Variants in NBEA observed in about 807,000 individuals in gnomAD.
The protein encoded by NBEA is lysosomal-trafficking regulator 2.
Under a neutral mutation model 343.4 loss-of-function variants are expected in NBEA, and 44 were observed. That is an observed-to-expected ratio of 0.13 (90% CI 0.10 to 0.16). The LOEUF is 0.16. NBEA is among the 10% of genes least tolerant of loss of function. NBEA has a pLI of 1.00. For missense variants in NBEA, 2,555 were observed against 3,631.3 expected, an observed-to-expected ratio of 0.70 and a Z score of 7.62; for synonymous variants, 1,175 against 1,238.7, an observed-to-expected ratio of 0.95 and a Z score of 1.08.
chr13:35,066,222 A>G (rs566568993), intron 8 of NBEA, among the ~76,000 whole-genome samples: 1 of 152,194 alleles, frequency 6.6e-6, no homozygotes, highest in East Asian at 1.9e-4. Flanking sequence ...CAGCCTCCCA[A>G]AGTGTTGTGA....
intron 39 of NBEA, among the ~76,000 whole-genome samples, chr13:35,451,811 C>T (rs1329761695): frequency 1.3e-5 from 2 of 152,170 alleles, no homozygotes; most frequent in African/African-American, 2.4e-5. Context: ...TGGTAGAGTT[C>T]GTTTCTCTAC....
chr13:35,250,365 C>A (rs918910774), intron 34 of NBEA, among the ~76,000 whole-genome samples: 1 of 151,762 alleles, frequency 6.6e-6, no homozygotes, highest in African/African-American at 2.4e-5. Context: ...AAAAAATGGG[C>A]AAAAGAATAA....
Position 35,476,425 on chromosome 13 carries a change from C to A in NBEA, c.6585+3889C>A, listed in dbSNP as rs2075876236. On this transcript the variant is annotated intron_variant, in intron 41 of 58. Coordinates refer to ENST00000379939, the MANE Select transcript of NBEA (RefSeq NM_001385012.1). ...AGACTGTCCTCCCCCCTCTGCTTGT[C>A]TCTCTTCCTCTTTTAAAGAATCCTT... 9.4e-6 allele frequency: 9 copies of A among 952,978 alleles called. No homozygotes were observed. The East Asian group carries it at 2.3e-4, about 25-fold the overall frequency. 59.0% of individuals were successfully genotyped at this position (952,978 alleles called of 1,614,324 possible).
At chr13:35,585,715 A>C (rs2081263763) in intron 46 of NBEA, among the ~76,000 whole-genome samples, 1 of 151,436 alleles carries the variant, frequency 6.6e-6, no homozygotes, top group African/African-American at 2.4e-5. Flanking sequence ...CAATAAATGA[A>C]CTCCTCATCT....
At chr13:35,586,014 A>G (rs983537929) in intron 46 of NBEA, among the ~76,000 whole-genome samples, 1 of 152,174 alleles carries the variant, frequency 6.6e-6, no homozygotes. Flanking sequence ...TAGGAGCACT[A>G]TAAGTGACTG....
intron 10 of NBEA, among the ~76,000 whole-genome samples, chr13:35,082,323 G>A (rs2064456635): frequency 6.6e-6 from 1 of 152,116 alleles, no homozygotes; most frequent in Non-Finnish European, 1.5e-5. Context: ...ATCATTGTTG[G>A]ACATTTGGGT....
At chr13:35,194,291 A>T (rs2152740647) in intron 30 of NBEA, among the ~76,000 whole-genome samples, 1 of 152,202 alleles carries the variant, frequency 6.6e-6, no homozygotes, top group South Asian at 2.1e-4. Flanking sequence ...TCATCAGAAC[A>T]ACACTTCTAC....
intron 10 of NBEA, among the ~76,000 whole-genome samples, chr13:35,091,099 T>C (rs1166690432): frequency 6.6e-6 from 1 of 152,010 alleles, no homozygotes; most frequent in African/African-American, 2.4e-5. Context: ...TGTGGTCTTA[T>C]CACCAATGGA....
chr13:35,500,576 C>A (rs1305455440), intron 41 of NBEA, among the ~76,000 whole-genome samples: 1 of 152,052 alleles, frequency 6.6e-6, no homozygotes. Flanking sequence ...CTACTCTTTT[C>A]TCTTCTGGTA....
chr13:35,380,230 A>T (rs58873277), intron 38 of NBEA, among the ~76,000 whole-genome samples: 105,561 of 151,644 alleles, frequency 0.7, 39,040 homozygotes, highest in Non-Finnish European at 0.81. Context: ...GAATCACCTG[A>T]GGTCAGGAGC....
At chr13:35,141,197 A>G (rs1351761303) in intron 17 of NBEA, among the ~76,000 whole-genome samples, 1 of 152,204 alleles carries the variant, frequency 6.6e-6, no homozygotes, top group African/African-American at 2.4e-5. Context: ...TCCAGAGAAC[A>G]ATAGAAAATT....
chr13:34,945,578 T>C (rs769931205), intron 1 of NBEA, among the ~76,000 whole-genome samples: 1 of 152,126 alleles, frequency 6.6e-6, no homozygotes, highest in Non-Finnish European at 1.5e-5. Context: ...TTTTAAAATT[T>C]TCAGTTTTAG....
At chr13:34,960,583 C>T (rs1321222670) in intron 1 of NBEA, among the ~76,000 whole-genome samples, 1 of 151,958 alleles carries the variant, frequency 6.6e-6, no homozygotes, top group Non-Finnish European at 1.5e-5. Context: ...ACAGGTGTAC[C>T]ATGTTTTATC....
At chr13:35,574,978 G>T (rs1035284483) in intron 45 of NBEA, among the ~76,000 whole-genome samples, 8 of 152,070 alleles carry the variant, frequency 5.3e-5, no homozygotes, top group Non-Finnish European at 1.5e-5. Context: ...TCAAACTCCT[G>T]ATCCACCCGC....
At chr13:35,251,703 C>A in intron 34 of NBEA, 1 of 390,680 alleles carries the variant, frequency 2.6e-6, no homozygotes, top group South Asian at 3.7e-5. Context: ...CAGAGCAACT[C>A]ACTGGTGCCC....
At chr13:35,458,455 A>G (rs1252893102) in intron 40 of NBEA, among the ~76,000 whole-genome samples, 1 of 152,242 alleles carries the variant, frequency 6.6e-6, no homozygotes, top group African/African-American at 2.4e-5. Flanking sequence ...AATGTTATGT[A>G]GGTAAACTGG....
chr13:35,021,401 C>T lies in NBEA; in HGVS notation c.295-19532C>T, dbSNP rs142654217. Reference sequence around the variant, plus strand: ...ATTGTAATGGAGTCTTGCTATATTTCGTACATTCTTGTAATCTCTGCCTTT... The same window carrying T: ...ATTGTAATGGAGTCTTGCTATATTTTGTACATTCTTGTAATCTCTGCCTTT... On this transcript the variant is annotated intron_variant, in intron 1 of 58. Coordinates refer to ENST00000379939, the MANE Select transcript of NBEA (RefSeq NM_001385012.1). Among the ~76,000 whole-genome samples the T allele has an allele frequency of 3.5e-3, 535 of 152,246 alleles. 2 individuals carry two copies. Among genetic ancestry groups the T allele is most frequent in the African/African-American group, 0.012 (500 of 41,548 alleles).
At chr13:35,556,308 G>T (rs566710801) in intron 44 of NBEA, among the ~76,000 whole-genome samples, 1 of 152,090 alleles carries the variant, frequency 6.6e-6, no homozygotes, top group East Asian at 1.9e-4. Flanking sequence ...AAATAGCATG[G>T]TGTAGCAGAA....
chr13:35,284,453 A>C (rs367584330), intron 34 of NBEA, among the ~76,000 whole-genome samples: 4 of 152,166 alleles, frequency 2.6e-5, no homozygotes, highest in Non-Finnish European at 5.9e-5. Flanking sequence ...CAAAAAAATG[A>C]ATTTTATTAT....
Sources: gnomAD v4.1 joint callset for allele counts (sites outside exome capture counted in the v4.1 genomes callset) on GRCh38, gnomAD v4.1.1 for gene constraint, MANE v1.5 for transcripts, NCBI Gene and HGNC (gene_info 2026-07-23, HGNC 2026-07-21) for gene names.